The following LTF variants were observed in gnomAD, a reference collection of about 807,000 sequenced individuals.
LTF encodes lactotransferrin, also known as epididymis luminal protein 110.
Under a neutral mutation model 87.2 loss-of-function variants are expected in LTF, and 91 were observed. That is an observed-to-expected ratio of 1.04 (90% CI 0.88 to 1.24). The LOEUF (loss-of-function observed/expected upper bound fraction) is 1.24, where lower values mean the gene tolerates loss of function less well. LTF is among the 50% of genes most tolerant of loss of function. LTF has a pLI of 0.00. For missense variants in LTF, 901 were observed against 904.3 expected (o/e 1.00, Z 0.05); for synonymous variants, 378 against 356.1 (o/e 1.06, Z -0.69).
chr3:46,446,359 T>G (rs1307286082), intron 11 of LTF, 81 bp downstream of exon 11: 32 of 1,190,104 alleles, frequency 2.7e-5, no homozygotes, highest in East Asian at 1.7e-4. Context: ...ATTCTTTCTG[T>G]TTTTTTTACA....
chr3:46,459,528 G>C, intron 2 of LTF, 128 bp downstream of exon 2: 1 of 879,550 alleles, frequency 1.1e-6, no homozygotes, highest in Non-Finnish European at 1.6e-6. Context: ...TGTGAGAGAG[G>C]ACGGCTCCCC....
chr3:46,451,653 G>A (rs548845760), intron 6 of LTF, among the ~76,000 whole-genome samples: 24 of 152,238 alleles, frequency 1.6e-4, no homozygotes, highest in African/African-American at 5.8e-4. Flanking sequence ...GGAATGCAGT[G>A]GTGCGATCTC....
intron 8 of LTF, among the ~76,000 whole-genome samples, chr3:46,449,241 T>A (rs1327913304): frequency 1.3e-5 from 2 of 152,192 alleles, no homozygotes; most frequent in Non-Finnish European, 2.9e-5. Context: ...TTTGGAGAAG[T>A]TCCCTGGCTT....
upstream of LTF, among the ~76,000 whole-genome samples, chr3:46,467,511 C>T (rs1159137717): frequency 6.6e-6 from 1 of 152,142 alleles, no homozygotes. Context: ...GTAGAGCATT[C>T]TGTAAAGTAA....
At chr3:46,466,500 G>A (rs568881737), upstream of LTF, among the ~76,000 whole-genome samples, 3 of 152,318 alleles carry the variant, frequency 2.0e-5, no homozygotes, top group African/African-American at 4.8e-5. Context: ...CCATGGAGAA[G>A]CAGGCTCAGC....
intron 1 of LTF, among the ~76,000 whole-genome samples, chr3:46,471,092 T>C (rs1359060506): frequency 6.6e-6 from 1 of 152,050 alleles, no homozygotes; most frequent in Non-Finnish European, 1.5e-5. Flanking sequence ...TTGCAGACAG[T>C]GTTGACAGAG....
rs1430726438 is a variant in LTF at position 46,445,399 on chromosome 3, A to G, written c.1395T>C (p.Thr465=). ...CTTTCACAGAGTTCCAGGTAAGGCT[A>G]GTGTCTGATCTCCTAACCACCGCCA... ...LAVAVVRRSD[T]SLTWNSVKGK... Residue 465 remains threonine, a synonymous_variant, in exon 12 of 17, where the codon ACT becomes ACC. Coordinates refer to ENST00000231751, the MANE Select transcript of LTF (RefSeq NM_002343.6). 6.2e-7 allele frequency: 1 copy of G among 1,613,810 alleles called. No homozygotes were observed. Among genetic ancestry groups the G allele is most frequent in the Non-Finnish European group, 8.5e-7 (1 of 1,179,836 alleles).
intron 1 of LTF, among the ~76,000 whole-genome samples, chr3:46,482,573 AG>A (rs1278743341): frequency 0.052 from 6,651 of 128,658 alleles, 1,947 homozygotes; most frequent in East Asian, 0.079. Context: ...GGGAAGGGAA[AG>A]GAAAGGAAGG....
At chr3:46,437,613 A>G (rs1413407983) in intron 16 of LTF, among the ~76,000 whole-genome samples, 1 of 152,110 alleles carries the variant, frequency 6.6e-6, no homozygotes, top group Non-Finnish European at 1.5e-5. Flanking sequence ...GTGAGCCATC[A>G]CACGTGGCTG....
rs970565257 is a variant in LTF at position 46,449,920 on chromosome 3, G to T, written c.991C>A (p.Pro331Thr). The T allele has an allele frequency of 9.9e-6, 16 of 1,614,038 alleles. No homozygotes were observed. Among genetic ancestry groups the T allele is most frequent in the Non-Finnish European group, 1.4e-5 (16 of 1,180,028 alleles). The change falls in exon 8 of 17, where the codon CCG (proline) becomes ACG (threonine). Residue 331 changes from proline (P) to threonine (T), a missense_variant. Pro to Thr is a conservative substitution (Grantham distance 38, BLOSUM62 -1). Coordinates refer to ENST00000231751, the MANE Select transcript of LTF (RefSeq NM_002343.6). Reference protein sequence around the residue: ...DSAIGFSRVPPRIDSGLYLGS... With the variant: ...DSAIGFSRVPTRIDSGLYLGS... ...AGGTACAGCCCAGAATCTATCCTCG[G>T]GGGCACCCTCGAAAACCCAATGGCA...
chr3:46,441,176 AGT>A (rs35012752), intron 14 of LTF, among the ~76,000 whole-genome samples: 12 of 145,070 alleles, frequency 8.3e-5, no homozygotes, highest in Non-Finnish European at 1.5e-4. Context: ...TGTGAGAGTG[AGT>A]GTGTGTGTGT....
At chr3:46,456,459 A>T (rs1245286842) in intron 2 of LTF, 61 bp from the exon 3 acceptor site, 3 of 1,378,678 alleles carry the variant, frequency 2.2e-6, no homozygotes, top group East Asian at 4.6e-5. Context: ...AGCAAGTGGG[A>T]CTTCAGGACC....
At chr3:46,448,431 G>T (rs1052561185) in intron 9 of LTF, among the ~76,000 whole-genome samples, 1 of 151,912 alleles carries the variant, frequency 6.6e-6, no homozygotes, top group Admixed American at 6.6e-5. Context: ...CCCATTATAC[G>T]CTGTTTAGTG....
rs558874099 is a variant in LTF, at chr3:46,452,751, A to G, written c.703+1554T>C. On this transcript the variant is annotated intron_variant, in intron 6 of 16. Coordinates refer to ENST00000231751, the MANE Select transcript of LTF (RefSeq NM_002343.6). ...ACAAACTTGGTGTAGAATTGGCTTCACATATGGCAGAAAAAATATACTTTT... is the reference window on the plus strand; with the variant it reads ...ACAAACTTGGTGTAGAATTGGCTTCGCATATGGCAGAAAAAATATACTTTT... Among the ~76,000 whole-genome samples, 7 of 152,360 alleles carry G rather than the reference A, an allele frequency of 4.6e-5. No homozygotes were observed. The South Asian group carries it at 1.0e-3, about 23-fold the overall frequency.
chr3:46,450,096 A>G, intron 7 of LTF, 68 bp from the exon 8 acceptor site: 1 of 1,295,504 alleles, frequency 7.7e-7, no homozygotes, highest in East Asian at 2.3e-5. Context: ...ATGATGTTAA[A>G]AAAGAGTATC....
intron 16 of LTF, 73 bp downstream of exon 16, chr3:46,437,867 A>C (rs1009901297): frequency 1.7e-5 from 20 of 1,160,028 alleles, no homozygotes; most frequent in Non-Finnish European, 2.5e-5. Flanking sequence ...CGTTCCTAGA[A>C]TGCTGTTTGG....
chr3:46,481,097 C>A (rs1347129057), intron 1 of LTF, among the ~76,000 whole-genome samples: 1 of 152,160 alleles, frequency 6.6e-6, no homozygotes, highest in Non-Finnish European at 1.5e-5. Context: ...GCCCCTCCAA[C>A]TCTCAGGGCC....
At chr3:46,454,404 C>G (rs1198351683) in intron 5 of LTF, 44 bp from the exon 6 acceptor site, 2 of 1,490,986 alleles carry the variant, frequency 1.3e-6, no homozygotes, top group Non-Finnish European at 1.9e-6. Context: ...GGCAGCCCTC[C>G]CCAGCCCCTC....
chr3:46,446,262 T>C (rs1466248896), intron 11 of LTF, among the ~76,000 whole-genome samples, 178 bp downstream of exon 11: 1 of 152,090 alleles, frequency 6.6e-6, no homozygotes, highest in Non-Finnish European at 1.5e-5. Context: ...AAGGTCAATA[T>C]AAACATTAAT....
Sources: allele counts gnomAD v4.1 joint callset (sites outside exome capture counted in the v4.1 genomes callset), GRCh38; gene constraint gnomAD v4.1.1; transcripts MANE v1.5; gene names NCBI Gene and HGNC (gene_info 2026-07-23, HGNC 2026-07-21).